Variants in MTDH observed in about 807,000 individuals in gnomAD.
MTDH encodes metadherin, also known as protein LYRIC.
MTDH carries 34 observed loss-of-function variants against 72.7 expected under a neutral mutation model. The observed-to-expected ratio is 0.47, with a 90% CI of 0.36 to 0.62. MTDH has a LOEUF of 0.62. Ranked by LOEUF, MTDH falls within the 20% of genes least tolerant of loss-of-function variation. The pLI is 0.00. For missense variants in MTDH, 677 were observed against 699.4 expected (o/e 0.97, Z 0.36); for synonymous variants, 266 against 268.9 (o/e 0.99, Z 0.10).
rs1586285953 is a variant in MTDH at position 97,719,268 on chromosome 8, G to A, written c.1521+79G>A. On this transcript the variant is annotated intron_variant, in intron 10 of 11. Transcript: ENST00000336273. ...CCAGCACTTTGAGAGGCCAAGGTGG[G>A]CAGGTCATGAGGTCAGGAGTTCAAG... 1.1e-5 allele frequency: 16 copies of A among 1,473,770 alleles called. No homozygotes were observed. The East Asian group carries it at 3.5e-4, about 32-fold the overall frequency. 91.3% of individuals were successfully genotyped at this position (1,473,770 alleles called of 1,614,324 possible). A position where few individuals can be genotyped will look rare whatever the true frequency, so the allele number is the denominator to read the frequency against.
chr8:97,668,141 G>A (rs1393877059), intron 2 of MTDH, among the ~76,000 whole-genome samples: 1 of 152,010 alleles, frequency 6.6e-6, no homozygotes, highest in Non-Finnish European at 1.5e-5. Flanking sequence ...CAAAAAACTA[G>A]CCGAGCGAGG....
chr8:97,663,198 A>G (rs1480012744), intron 2 of MTDH, among the ~76,000 whole-genome samples: 1 of 152,124 alleles, frequency 6.6e-6, no homozygotes, highest in African/African-American at 2.4e-5. Context: ...AGTTGCAGTA[A>G]TTGAGGAACT....
intron 2 of MTDH, among the ~76,000 whole-genome samples, chr8:97,674,430 C>A (rs1440473661): frequency 1.3e-5 from 2 of 152,196 alleles, no homozygotes; most frequent in African/African-American, 2.4e-5. Flanking sequence ...TGGAGAACTG[C>A]TGGTATAGGC....
chr8:97,719,029 T>C lies in MTDH; in HGVS notation c.1381-20T>C. On this transcript the variant is annotated intron_variant, in intron 9 of 11. Coordinates refer to ENST00000336273, the MANE Select transcript of MTDH (RefSeq NM_178812.4). ...AGAATGAATGCTTTATATAATCTAA[T>C]AGGTTATTTTTCTCTATAGGACACA... is the stretch of plus-strand genomic sequence containing the variant. 1 of 1,567,350 alleles carries C rather than the reference T, an allele frequency of 6.4e-7. No individual in the cohort carries two copies. The highest frequency in any genetic ancestry group is 8.7e-7 in the Non-Finnish European group (1 of 1,152,364).
At chr8:97,660,917 C>T (rs1376665115) in intron 1 of MTDH, among the ~76,000 whole-genome samples, 155 bp from the exon 2 acceptor site, 1 of 137,164 alleles carries the variant, frequency 7.3e-6, no homozygotes, top group Admixed American at 7.3e-5. Context: ...TAGGGATAAT[C>T]TATCAACTCT....
At chr8:97,722,746 T>G (rs1815178478) in intron 10 of MTDH, 133 bp from the exon 11 acceptor site, 5 of 714,936 alleles carry the variant, frequency 7.0e-6, no homozygotes, top group Non-Finnish European at 1.1e-5. Flanking sequence ...AGGGCAGGTA[T>G]GAGTTACATT....
At chr8:97,660,828 AC>A (rs1374989894) in intron 1 of MTDH, among the ~76,000 whole-genome samples, 1 of 151,896 alleles carries the variant, frequency 6.6e-6, no homozygotes. Flanking sequence ...TGTTAGAGGG[AC>A]TGATACCTTG....
chr8:97,676,827 C>A (rs1289966273), intron 2 of MTDH, among the ~76,000 whole-genome samples: 3 of 151,520 alleles, frequency 2.0e-5, no homozygotes, highest in African/African-American at 4.9e-5. Context: ...CATGGTGAAA[C>A]CCCCTCTCTA....
At chr8:97,692,005 G>A (rs1028748557) in intron 6 of MTDH, among the ~76,000 whole-genome samples, 12 of 151,620 alleles carry the variant, frequency 7.9e-5, no homozygotes, top group Non-Finnish European at 1.5e-4. Flanking sequence ...TCAGCCTCCC[G>A]AGTAGCTGGG....
Position 97,644,267 on chromosome 8 carries a change from C to T in MTDH, c.-240C>T. The T allele has an allele frequency of 1.8e-6, 1 of 540,934 alleles. No individual in the cohort carries two copies. The highest frequency in any genetic ancestry group is 2.6e-5 in the South Asian group (1 of 39,198). The allele number at this position is 540,934 out of a possible 1,614,324, so 33.5% of individuals were successfully genotyped here. Reference sequence around the variant, plus strand: ...CGCTTAGCGGCCGCCACTGGAGACACTCCCTCCCGCCTCCCGGGTCTCCTG... The same window carrying T: ...CGCTTAGCGGCCGCCACTGGAGACATTCCCTCCCGCCTCCCGGGTCTCCTG... On this transcript the variant is annotated 5_prime_UTR_variant, in exon 1 of 12. Coordinates refer to ENST00000336273, the MANE Select transcript of MTDH (RefSeq NM_178812.4).
chr8:97,714,921 G>T (rs1236341889), intron 9 of MTDH, among the ~76,000 whole-genome samples: 2 of 151,944 alleles, frequency 1.3e-5, no homozygotes, highest in Non-Finnish European at 2.9e-5. Context: ...TGCCTCCCAG[G>T]TTCAAGCGAT....
intron 1 of MTDH, among the ~76,000 whole-genome samples, chr8:97,657,231 A>G (rs879412866): frequency 6.6e-6 from 1 of 152,190 alleles, no homozygotes. Context: ...GTCTACAAGG[A>G]GTTTATCCAT....
chr8:97,644,828 A>C lies in MTDH; in HGVS notation c.322A>C (p.Asn108His). 6.3e-7 allele frequency: 1 copy of C among 1,578,638 alleles called. No homozygotes were observed. Among genetic ancestry groups the C allele is most frequent in the Non-Finnish European group, 8.6e-7 (1 of 1,169,388 alleles). The change falls in exon 1 of 12, where the codon AAT becomes CAT. Residue 108 changes from asparagine to histidine, a missense_variant. Physicochemically the swap from Asn to His is moderately conservative, Grantham distance 68 (BLOSUM62 1). Coordinates refer to ENST00000336273, the MANE Select transcript of MTDH (RefSeq NM_178812.4). ...AAPDDLALLK[N>H]LRSEEQKKKN... ...CCCCGACGACCTGGCCTTGCTGAAG[A>C]ATCTCCGGAGCGAGGAACAGAAGAA...
At chr8:97,663,427 T>C (rs2130938248) in intron 2 of MTDH, among the ~76,000 whole-genome samples, 1 of 152,292 alleles carries the variant, frequency 6.6e-6, no homozygotes, top group South Asian at 2.1e-4. Flanking sequence ...GACAGCTTAT[T>C]GAGTACTTAC....
intron 1 of MTDH, among the ~76,000 whole-genome samples, chr8:97,650,158 G>A (rs1368635759): frequency 7.0e-6 from 1 of 142,828 alleles, no homozygotes; most frequent in South Asian, 2.2e-4. Context: ...GGGTTTCACC[G>A]TGTTAGCCAG....
chr8:97,702,507 T>C (rs1352919998), intron 7 of MTDH, among the ~76,000 whole-genome samples: 1 of 152,254 alleles, frequency 6.6e-6, no homozygotes, highest in Non-Finnish European at 1.5e-5. Flanking sequence ...ATAGTAAATA[T>C]GCAGTAAGTA....
At chr8:97,694,120 C>A in intron 6 of MTDH, among the ~76,000 whole-genome samples, 1 of 151,962 alleles carries the variant, frequency 6.6e-6, no homozygotes, top group East Asian at 1.9e-4. Context: ...TTTGAGGGAG[C>A]AATAGATACT....
At chr8:97,646,568 G>C (rs1231869516) in intron 1 of MTDH, among the ~76,000 whole-genome samples, 1 of 152,110 alleles carries the variant, frequency 6.6e-6, no homozygotes, top group Non-Finnish European at 1.5e-5. Flanking sequence ...AGAAATTTCA[G>C]ATAAACTTGA....
At chr8:97,686,418 A>G (rs967630637) in intron 2 of MTDH, among the ~76,000 whole-genome samples, 11 of 152,190 alleles carry the variant, frequency 7.2e-5, no homozygotes, top group Non-Finnish European at 1.5e-4. Flanking sequence ...AATGGGACTA[A>G]TACCTTCTCC....
Sources: gnomAD v4.1 joint callset for allele counts (sites outside exome capture counted in the v4.1 genomes callset) on GRCh38, gnomAD v4.1.1 for gene constraint, MANE v1.5 for transcripts, NCBI Gene and HGNC (gene_info 2026-07-23, HGNC 2026-07-21) for gene names.